Variants in TRIM35 observed in about 807,000 individuals in gnomAD.
TRIM35 encodes the protein tripartite motif containing 35.
A neutral mutation model predicts 49.1 loss-of-function variants in TRIM35; 37 were observed. That is an observed-to-expected ratio of 0.75 (90% CI 0.58 to 0.99). TRIM35 has a LOEUF of 0.99. TRIM35 is among the 50% of genes least tolerant of loss of function. The pLI, the probability that TRIM35 is intolerant of heterozygous loss-of-function variation, is 0.00. For synonymous variants in TRIM35, 302 were observed against 289.3 expected (o/e 1.04, Z -0.45); for missense variants, 648 against 702.7 (o/e 0.92, Z 0.88).
intron 1 of TRIM35, among the ~76,000 whole-genome samples, chr8:27,301,045 A>T (rs796735043): frequency 7.2e-5 from 11 of 152,332 alleles, no homozygotes; most frequent in African/African-American, 2.6e-4. Context: ...AAACTTTTCA[A>T]TCACTTGGAG....
Position 27,287,628 on chromosome 8 carries a change from AC to A in TRIM35, c.1403del (p.Gly468ValfsTer129). 3 of 1,608,206 alleles carry A rather than the reference AC, an allele frequency of 1.9e-6. No individual in the cohort carries two copies. Among genetic ancestry groups the A allele is most frequent in the Non-Finnish European group, 1.7e-6 (2 of 1,177,408 alleles). On this transcript the variant is annotated frameshift_variant, in exon 6 of 6. Coordinates refer to ENST00000305364, the MANE Select transcript of TRIM35 (RefSeq NM_171982.5). LOFTEE classifies it high-confidence loss of function. This position sits in a 1 kb window ranked among gnomAD's most constrained non-coding sequence, Gnocchi z 6.0. ...GCTCTGGAGGCCCGGCGCCCCGTGC[AC>A]CCCCCAGGTAGAAGTAGGGGCGAAC... is the stretch of plus-strand genomic sequence containing the variant. Reference protein sequence around the residue: ...GEVRPYFYLGGARGAGPPEPL... With the variant: ...GEVRPYFYLGXARGAGPPEPL...
chr8:27,288,483 G>A (rs1269180503), intron 5 of TRIM35, among the ~76,000 whole-genome samples: 2 of 152,184 alleles, frequency 1.3e-5, no homozygotes, highest in African/African-American at 2.4e-5. Flanking sequence ...TGGCGGAGGT[G>A]AGGATCAAAG....
chr8:27,310,936 GAC>G lies in TRIM35; in HGVS notation c.298_299del (p.Val100LeufsTer70). 6.2e-7 allele frequency: 1 copy of G among 1,612,690 alleles called. No homozygotes were observed. The part of the protein sequence containing the change: ...ARWTSYRFSR[V>X]CRLHRGQLSL... ...TGAGCTGTCCGCGGTGCAGGCGGCA[GAC>G]ACGCGAGAAGCGGTAGCTGGTCCAG... On this transcript the variant is annotated frameshift_variant, in exon 1 of 6. Coordinates refer to ENST00000305364, the MANE Select transcript of TRIM35 (RefSeq NM_171982.5). LOFTEE classifies it high-confidence loss of function.
chr8:27,307,238 C>A (rs1471934665), intron 1 of TRIM35, among the ~76,000 whole-genome samples: 1 of 152,136 alleles, frequency 6.6e-6, no homozygotes, highest in Non-Finnish European at 1.5e-5. Context: ...AGCTCCTAAG[C>A]AGGGCCCTCT....
intron 1 of TRIM35, among the ~76,000 whole-genome samples, chr8:27,309,500 G>C (rs1802855764): frequency 6.6e-6 from 1 of 152,090 alleles, no homozygotes; most frequent in African/African-American, 2.4e-5. Flanking sequence ...TATTTAAAAA[G>C]GTATTGCAAA....
chr8:27,288,445 C>A (rs1489783832), intron 5 of TRIM35, among the ~76,000 whole-genome samples: 1 of 152,120 alleles, frequency 6.6e-6, no homozygotes, highest in Non-Finnish European at 1.5e-5. Flanking sequence ...GAGACAGACA[C>A]AGATACACAG....
chr8:27,289,141 C>G (rs1802399498), intron 5 of TRIM35, 21 bp downstream of exon 5: 1 of 1,606,232 alleles, frequency 6.2e-7, no homozygotes, highest in Non-Finnish European at 8.5e-7. Flanking sequence ...GCTTGGGACA[C>G]CTGCCGGCAC....
At position 27,287,921 on chromosome 8, in the gene TRIM35, C is replaced by G. The variant is rs141555387; in HGVS notation, c.1111G>C (p.Gly371Arg). Residue 371 changes from glycine to arginine, a missense_variant, in exon 6 of 6, where the codon GGC becomes CGC. Gly to Arg is a moderately radical substitution (Grantham distance 125). Coordinates refer to ENST00000305364, the MANE Select transcript of TRIM35 (RefSeq NM_171982.5). The surrounding 1 kb of genome is among the most constrained non-coding windows in gnomAD (Gnocchi z 6.0). ...GAGTCCTGGCGCACACGTACCACGC[C>G]CACCCTCCAGCTCTGCAGCCCCCCA... is the stretch of plus-strand genomic sequence containing the variant. ...ALGGLQSWRVGVVRVRQDSGA... is the reference protein window; with the variant it reads ...ALGGLQSWRVRVVRVRQDSGA... The G allele has an allele frequency of 6.8e-6, 11 of 1,612,916 alleles. No homozygotes were observed. The highest frequency in any genetic ancestry group is 9.3e-6 in the Non-Finnish European group (11 of 1,179,838).
intron 2 of TRIM35, among the ~76,000 whole-genome samples, chr8:27,298,096 G>A (rs1387722705): frequency 1.3e-5 from 2 of 152,212 alleles, no homozygotes; most frequent in East Asian, 3.8e-4. Context: ...GGAGATAGGG[G>A]AATAGGATTG....
intron 3 of TRIM35, among the ~76,000 whole-genome samples, chr8:27,292,242 G>C (rs760805476): frequency 1.2e-4 from 18 of 152,198 alleles, no homozygotes; most frequent in Non-Finnish European, 2.6e-4. Context: ...GTTGCCTACA[G>C]TATTCAGTGC....
rs1415971336 is a variant in TRIM35 at position 27,285,731 on chromosome 8, G to C, written c.*1819C>G. Reference sequence around the variant, plus strand: ...GTGAAAATAAAAAACATTTTTAAAAGTTTAATATAAAGAATGAAATAATTT... The same window carrying C: ...GTGAAAATAAAAAACATTTTTAAAACTTTAATATAAAGAATGAAATAATTT... On this transcript the variant is annotated 3_prime_UTR_variant, in exon 6 of 6. Coordinates refer to ENST00000305364, the MANE Select transcript of TRIM35 (RefSeq NM_171982.5). The C allele has an allele frequency of 2.1e-5, 3 of 144,102 alleles. No individual in the cohort carries two copies. In the East Asian group the frequency reaches 6.2e-4, roughly 30 times the overall value. 8.9% of individuals were successfully genotyped at this position (144,102 alleles called of 1,614,324 possible).
At chr8:27,298,323 G>T in intron 2 of TRIM35, 141 bp downstream of exon 2, 1 of 721,472 alleles carries the variant, frequency 1.4e-6, no homozygotes, top group Non-Finnish European at 2.4e-6. Flanking sequence ...GGACGTGGCT[G>T]CACAGGACCA....
intron 1 of TRIM35, among the ~76,000 whole-genome samples, chr8:27,303,598 A>T (rs556214264): frequency 6.6e-6 from 1 of 152,362 alleles, no homozygotes; most frequent in South Asian, 2.1e-4. Flanking sequence ...GGCCCACAAC[A>T]GATCTGGAGC....
chr8:27,293,251 C>T (rs1445923228), intron 3 of TRIM35, among the ~76,000 whole-genome samples: 2 of 152,024 alleles, frequency 1.3e-5, no homozygotes, highest in Non-Finnish European at 2.9e-5. Flanking sequence ...AGAGACACCT[C>T]ACCACCCTGG....
In TRIM35 at chr8:27,311,080, C is replaced by A; in HGVS notation, c.156G>T (p.Gln52His). Residue 52 changes from glutamine to histidine, a missense_variant, in exon 1 of 6, where the codon CAG becomes CAT. Coordinates refer to ENST00000305364, the MANE Select transcript of TRIM35 (RefSeq NM_171982.5). Reference protein sequence around the residue: ...RGCVSRCWEVQVSPTCPVCKD... With the variant: ...RGCVSRCWEVHVSPTCPVCKD... Reference sequence around the variant, plus strand: ...TGCACACTGGGCAGGTGGGCGACACCTGCACCTCCCAGCAGCGGCTCACGC... The same window carrying A: ...TGCACACTGGGCAGGTGGGCGACACATGCACCTCCCAGCAGCGGCTCACGC... 6.3e-7 allele frequency: 1 copy of A among 1,596,732 alleles called. No homozygotes were observed. The highest frequency in any genetic ancestry group is 8.5e-7 in the Non-Finnish European group (1 of 1,172,582).
intron 3 of TRIM35, among the ~76,000 whole-genome samples, chr8:27,293,620 A>G (rs1211166952): frequency 2.0e-5 from 3 of 152,086 alleles, no homozygotes; most frequent in Non-Finnish European, 4.4e-5. Context: ...TGGAAGCATC[A>G]CTTGAGGCCA....
intron 5 of TRIM35, among the ~76,000 whole-genome samples, 156 bp downstream of exon 5, chr8:27,289,006 C>A (rs1802396492): frequency 6.6e-6 from 1 of 152,166 alleles, no homozygotes; most frequent in Admixed American, 6.5e-5. Flanking sequence ...GGTACAGGAA[C>A]CTGCCTGCGA....
In TRIM35 at chr8:27,305,644, G is replaced by T. The variant is rs1045813218; in HGVS notation, c.435+5157C>A. Among the ~76,000 whole-genome samples the T allele has an allele frequency of 2.6e-5, 4 of 152,150 alleles. No individual in the cohort carries two copies. In the South Asian group the frequency reaches 6.2e-4, roughly 24 times the overall value. ...GCCAGATGGACTCTAAGATGTTGAC[G>T]CCAGAAGGGGAGAGAGGGCTGGAGC... is the stretch of plus-strand genomic sequence containing the variant. On this transcript the variant is annotated intron_variant, in intron 1 of 5. Transcript: ENST00000305364.
chr8:27,290,113 C>A (rs771791284), intron 4 of TRIM35, 43 bp downstream of exon 4: 1 of 1,613,348 alleles, frequency 6.2e-7, no homozygotes, highest in Non-Finnish European at 8.5e-7. Flanking sequence ...CCTGGTATTT[C>A]TGCCCACTCT....
Sources: gnomAD v4.1 joint callset for allele counts (sites outside exome capture counted in the v4.1 genomes callset) on GRCh38, gnomAD v4.1.1 for gene constraint, Gnocchi (gnomAD v3.1) non-coding constraint, MANE v1.5 for transcripts, NCBI Gene and HGNC (gene_info 2026-07-23, HGNC 2026-07-21) for gene names.